CEP112: variants seen among roughly 807,000 people sequenced by gnomAD.
CEP112 encodes centrosomal protein of 112 kDa.
CEP112 carries 127 observed loss-of-function variants against 153.0 expected under a neutral mutation model. That is an observed-to-expected ratio of 0.83 (90% CI 0.72 to 0.96). CEP112 has a LOEUF of 0.96. Among genes scored for constraint, CEP112 ranks in the 40% least tolerant of loss-of-function variants. CEP112 has a pLI of 0.00. For missense variants in CEP112, 1,089 were observed against 1,101.2 expected (o/e 0.99, Z 0.16); for synonymous variants, 358 against 374.4 (o/e 0.96, Z 0.51).
chr17:65,969,756 T>C (rs1220114025), intron 17 of CEP112, among the ~76,000 whole-genome samples: 3 of 152,100 alleles, frequency 2.0e-5, no homozygotes, highest in Non-Finnish European at 4.4e-5. Flanking sequence ...CACGAATGCT[T>C]ATTACATGTA....
Position 65,956,877 on chromosome 17 carries a change from TCTAAGACCCTCAGTGGATGTCTGA to T in CEP112, c.1872+4562_1872+4585del, listed in dbSNP as rs2062021320. 2.0e-5 allele frequency among the ~76,000 whole-genome samples: 3 copies of T among 152,170 alleles called. No homozygotes were observed. In the South Asian group the frequency reaches 6.2e-4, roughly 32 times the overall value. The stretch of plus-strand genomic sequence containing the variant: ...GGTACAGTAGTCCCTCCTTATATGT[TCTAAGACCCTCAGTGGATGTCTGA>T]ACTTTGGATAGTAACAAACCCTATA... On this transcript the variant is annotated intron_variant, in intron 18 of 26. Coordinates refer to ENST00000535342, the MANE Select transcript of CEP112 (RefSeq NM_001199165.4).
intron 24 of CEP112, chr17:65,688,221 A>G (rs565882638): frequency 6.6e-6 from 1 of 152,378 alleles, no homozygotes; most frequent in South Asian, 2.1e-4. Flanking sequence ...CTAAAATTCA[A>G]AAGAAAATGT....
intron 24 of CEP112, among the ~76,000 whole-genome samples, chr17:65,670,354 C>G (rs527611291): frequency 6.6e-6 from 1 of 150,914 alleles, no homozygotes; most frequent in East Asian, 1.9e-4. Context: ...TTTTATAACT[C>G]AGTTGTAACT....
At chr17:66,169,663 A>G (rs1403021909) in intron 4 of CEP112, among the ~76,000 whole-genome samples, 2 of 152,164 alleles carry the variant, frequency 1.3e-5, no homozygotes, top group East Asian at 1.9e-4. Context: ...TTACCACTCC[A>G]AAGTGGGATA....
intron 21 of CEP112, among the ~76,000 whole-genome samples, chr17:65,830,073 A>G (rs193080867): frequency 9.5e-4 from 145 of 152,362 alleles, no homozygotes; most frequent in Admixed American, 1.8e-3. Context: ...TGCACTGTCC[A>G]ATTAGGCTAT....
At chr17:65,643,296 T>C (rs1354573611) in intron 24 of CEP112, among the ~76,000 whole-genome samples, 2 of 121,304 alleles carry the variant, frequency 1.6e-5, no homozygotes, top group Non-Finnish European at 3.6e-5. Flanking sequence ...GGTGAATCCC[T>C]GGTATTTTTT....
intron 17 of CEP112, among the ~76,000 whole-genome samples, chr17:65,970,420 TTACA>T (rs555474374): frequency 1.6e-5 from 2 of 122,216 alleles, no homozygotes; most frequent in African/African-American, 5.9e-5. Flanking sequence ...TGCATGTATA[TTACA>T]TGCATGCACA....
chr17:65,644,251 C>T, intron 24 of CEP112: 1 of 617,354 alleles, frequency 1.6e-6, no homozygotes, highest in Non-Finnish European at 2.9e-6. Flanking sequence ...TTTCTTACAT[C>T]CTTATCTGTT....
intron 23 of CEP112, among the ~76,000 whole-genome samples, chr17:65,708,365 T>G (rs975378885): frequency 2.6e-5 from 4 of 152,204 alleles, no homozygotes; most frequent in African/African-American, 9.6e-5. Context: ...AAATTTATGT[T>G]TTACCTCAGA....
intron 20 of CEP112, chr17:65,873,707 C>T (rs2058737255): frequency 6.6e-6 from 1 of 152,152 alleles, no homozygotes; most frequent in Non-Finnish European, 1.5e-5. Flanking sequence ...ACCTTTATTC[C>T]ATGTAGTTCC....
chr17:65,981,013 T>G (rs1484434602), intron 17 of CEP112, among the ~76,000 whole-genome samples: 2 of 152,052 alleles, frequency 1.3e-5, no homozygotes, highest in Non-Finnish European at 2.9e-5. Flanking sequence ...GAGGGGTTTC[T>G]CCATGTTGAC....
chr17:66,063,362 C>T (rs921463446), intron 10 of CEP112, among the ~76,000 whole-genome samples: 1 of 152,132 alleles, frequency 6.6e-6, no homozygotes, highest in African/African-American at 2.4e-5. Context: ...TTGAGGAAAT[C>T]TTTCACCATT....
chr17:65,756,468 A>C (rs2052288153), intron 21 of CEP112, among the ~76,000 whole-genome samples: 1 of 151,812 alleles, frequency 6.6e-6, no homozygotes, highest in African/African-American at 2.4e-5. Flanking sequence ...GAGCCAACTG[A>C]AGAAAAGTGT....
intron 16 of CEP112, among the ~76,000 whole-genome samples, chr17:66,008,245 T>C (rs1428769311): frequency 6.6e-6 from 1 of 152,202 alleles, no homozygotes; most frequent in Non-Finnish European, 1.5e-5. Flanking sequence ...CATATACTTA[T>C]TTTTGTGATG....
At chr17:65,869,762 T>A (rs547539738) in intron 20 of CEP112, among the ~76,000 whole-genome samples, 14 of 151,876 alleles carry the variant, frequency 9.2e-5, no homozygotes, top group Admixed American at 5.9e-4. Flanking sequence ...TTTTTTTGTA[T>A]TTTTAGTAGA....
intron 20 of CEP112, among the ~76,000 whole-genome samples, chr17:65,863,534 A>G (rs1316400634): frequency 2.0e-5 from 3 of 151,860 alleles, no homozygotes; most frequent in African/African-American, 7.3e-5. Context: ...TTGGGAGGCC[A>G]AGGTGGGAGG....
intron 24 of CEP112, among the ~76,000 whole-genome samples, chr17:65,641,448 C>G (rs2045128147): frequency 6.6e-6 from 1 of 152,202 alleles, no homozygotes; most frequent in South Asian, 2.1e-4. Flanking sequence ...GAGGACAACT[C>G]ATAGCATGTC....
At chr17:65,694,801 A>T (rs232135) in intron 23 of CEP112, among the ~76,000 whole-genome samples, 75,343 of 152,016 alleles carry the variant, frequency 0.5, 19,248 homozygotes, top group African/African-American at 0.6. Context: ...AAGTTGTGTC[A>T]TCCTTATTCA....
chr17:65,722,486 TG>T (rs1233631618), intron 23 of CEP112, among the ~76,000 whole-genome samples: 1 of 152,152 alleles, frequency 6.6e-6, no homozygotes, highest in Non-Finnish European at 1.5e-5. Context: ...TGACCTCAGG[TG>T]ATCTGCCTGC....
Sources: gnomAD v4.1 joint callset for allele counts (sites outside exome capture counted in the v4.1 genomes callset) on GRCh38, gnomAD v4.1.1 for gene constraint, MANE v1.5 for transcripts, NCBI Gene and HGNC (gene_info 2026-07-23, HGNC 2026-07-21) for gene names.